SLC25A26: variants seen among roughly 807,000 people sequenced by gnomAD.
The protein encoded by SLC25A26 is mitochondrial S-adenosylmethionine carrier protein.
Under a neutral mutation model 37.8 loss-of-function variants are expected in SLC25A26, and 36 were observed. The observed-to-expected ratio is 0.95, with a 90% confidence interval of 0.73 to 1.26. The LOEUF is 1.26. Among genes scored for constraint, SLC25A26 ranks in the 50% most tolerant of loss-of-function variants. SLC25A26 has a pLI of 0.00. For synonymous variants in SLC25A26, 129 were observed against 122.5 expected (o/e 1.05, Z -0.35); for missense variants, 390 against 331.1 (o/e 1.18, Z -1.38).
chr3:66,200,208 C>A (rs2071091298), intron 1 of SLC25A26, among the ~76,000 whole-genome samples: 1 of 152,198 alleles, frequency 6.6e-6, no homozygotes, highest in East Asian at 1.9e-4. Context: ...AAAATGTAAA[C>A]TTTCCCAGGA....
At chr3:66,137,838 CTTTTTTTTG>C (rs2069970040) in intron 1 of SLC25A26, among the ~76,000 whole-genome samples, 2 of 151,722 alleles carry the variant, frequency 1.3e-5, no homozygotes, top group Admixed American at 1.3e-4. Flanking sequence ...TTTCTTTTTT[CTTTTTTTTG>C]TTTTTTGAGA....
At chr3:66,284,777 T>C (rs1284270161) in intron 5 of SLC25A26, among the ~76,000 whole-genome samples, 1 of 152,148 alleles carries the variant, frequency 6.6e-6, no homozygotes, top group Non-Finnish European at 1.5e-5. Context: ...GCAGCAAATA[T>C]ATATTTATAT....
intron 5 of SLC25A26, among the ~76,000 whole-genome samples, chr3:66,264,226 C>A (rs561529046): frequency 6.7e-6 from 1 of 149,754 alleles, no homozygotes. Flanking sequence ...GAGCCAAGAT[C>A]GTGCCACTGG....
chr3:66,188,251 C>T (rs964717523), intron 1 of SLC25A26, among the ~76,000 whole-genome samples: 1 of 152,164 alleles, frequency 6.6e-6, no homozygotes, highest in African/African-American at 2.4e-5. Flanking sequence ...CAACCCCAAA[C>T]TTTCTCTGAC....
chr3:66,374,686 C>T (rs574338479), intron 9 of SLC25A26, among the ~76,000 whole-genome samples: 1 of 152,146 alleles, frequency 6.6e-6, no homozygotes, highest in African/African-American at 2.4e-5. Context: ...GAGTTCAAGA[C>T]CAGCCTAGGC....
At chr3:66,355,539 A>G (rs187145775) in intron 6 of SLC25A26, among the ~76,000 whole-genome samples, 42 of 152,308 alleles carry the variant, frequency 2.8e-4, no homozygotes, top group African/African-American at 7.7e-4. Context: ...TCGTATTGCA[A>G]GAGCTATGGT....
At chr3:66,370,668 T>C (rs1414443955) in intron 9 of SLC25A26, 66 bp downstream of exon 9, 2 of 1,262,758 alleles carry the variant, frequency 1.6e-6, no homozygotes, top group Non-Finnish European at 2.3e-6. Flanking sequence ...AGCCTAACTT[T>C]GGATGAACAC....
chr3:66,222,635 C>T (rs1369277274), intron 1 of SLC25A26, among the ~76,000 whole-genome samples: 5 of 152,136 alleles, frequency 3.3e-5, no homozygotes, highest in Non-Finnish European at 7.3e-5. Flanking sequence ...CCTAATTTTC[C>T]AAATGAGGGA....
rs1559758298 is a variant in SLC25A26, at chr3:66,378,847, G to GACACTTCAATATTTT, written c.*1044_*1058dup. The GACACTTCAATATTTT allele has an allele frequency of 6.6e-6, 1 of 152,498 alleles. No individual in the cohort carries two copies. 9.4% of individuals were successfully genotyped at this position (152,498 alleles called of 1,614,324 possible). A position where few individuals can be genotyped will look rare whatever the true frequency, so the allele number is the denominator to read the frequency against. Reference sequence around the variant, plus strand: ...AAAGACACTTCAATGCCATTTGTTAGACACTTCAATATTTTACATGGTTTT... The same window carrying GACACTTCAATATTTT: ...AAAGACACTTCAATGCCATTTGTTAGACACTTCAATATTTTACACTTCAATATTTTACATGGTTTT... On this transcript the variant is annotated 3_prime_UTR_variant, in exon 10 of 10. Coordinates refer to ENST00000354883, the MANE Select transcript of SLC25A26 (RefSeq NM_001379210.1).
In SLC25A26 at chr3:66,215,625, TCTCA is replaced by T. The variant is rs2071349551; in HGVS notation, c.-353-5114_-353-5111del. Among the ~76,000 whole-genome samples, 3 of 152,236 alleles carry T rather than the reference TCTCA, an allele frequency of 2.0e-5. No individual in the cohort carries two copies. The South Asian group carries it at 6.2e-4, about 32-fold the overall frequency. On this transcript the variant is annotated intron_variant, in intron 1 of 10. Transcript: ENST00000676754. ...TTATTGAAAGAGTCATCTTTTTCTC[TCTCA>T]CTAATTTTAAATGCAAACATAAAGC...
chr3:66,217,637 C>T (rs888757790), upstream of SLC25A26, among the ~76,000 whole-genome samples: 9 of 152,010 alleles, frequency 5.9e-5, no homozygotes, highest in African/African-American at 1.9e-4. Context: ...CAACCTCCAC[C>T]GCTCGGGTTC....
chr3:66,344,093 G>T (rs2076268255), intron 5 of SLC25A26, among the ~76,000 whole-genome samples: 1 of 152,132 alleles, frequency 6.6e-6, no homozygotes, highest in Non-Finnish European at 1.5e-5. Context: ...TTCCTGAATG[G>T]TAGACAGATT....
intron 3 of SLC25A26, among the ~76,000 whole-genome samples, chr3:66,259,208 A>AG (rs2073426143): frequency 4.6e-5 from 7 of 152,174 alleles, no homozygotes; most frequent in Admixed American, 3.9e-4. Flanking sequence ...ACCGCCTTCC[A>AG]GTGTTGCTTG....
chr3:66,295,252 C>G (rs2074857742), intron 5 of SLC25A26, among the ~76,000 whole-genome samples: 1 of 152,050 alleles, frequency 6.6e-6, no homozygotes, highest in South Asian at 2.1e-4. Context: ...GAGACGGAGT[C>G]CCGCACTTTT....
intron 5 of SLC25A26, among the ~76,000 whole-genome samples, chr3:66,275,277 C>T (rs936681553): frequency 2.0e-5 from 3 of 150,884 alleles, no homozygotes; most frequent in Admixed American, 6.6e-5. Context: ...GGAGGGATAG[C>T]ATTAGGAGAT....
intron 1 of SLC25A26, among the ~76,000 whole-genome samples, chr3:66,236,141 G>A (rs954389922): frequency 3.4e-5 from 5 of 149,100 alleles, no homozygotes; most frequent in African/African-American, 1.2e-4. Flanking sequence ...TGAACTCCTG[G>A]CCTCAAGTGA....
chr3:66,263,603 A>G (rs2073620780), intron 5 of SLC25A26, among the ~76,000 whole-genome samples: 1 of 152,184 alleles, frequency 6.6e-6, no homozygotes, highest in South Asian at 2.1e-4. Context: ...AGAATGACCC[A>G]TGTTGTTACT....
intron 9 of SLC25A26, among the ~76,000 whole-genome samples, chr3:66,372,100 C>T (rs1700377782): frequency 6.6e-6 from 1 of 152,130 alleles, no homozygotes; most frequent in African/African-American, 2.4e-5. Flanking sequence ...CTCAAAAAAA[C>T]AACAACAAAA....
At chr3:66,298,781 A>G (rs754536134) in intron 5 of SLC25A26, among the ~76,000 whole-genome samples, 1 of 152,226 alleles carries the variant, frequency 6.6e-6, no homozygotes, top group East Asian at 1.9e-4. Flanking sequence ...AAAATTGTAC[A>G]TGTCAAGAAA....
Sources: gnomAD v4.1 joint callset for allele counts (sites outside exome capture counted in the v4.1 genomes callset) on GRCh38, gnomAD v4.1.1 for gene constraint, MANE v1.5 for transcripts, NCBI Gene and HGNC (gene_info 2026-07-23, HGNC 2026-07-21) for gene names.